Variants in ZSWIM6 observed in about 807,000 individuals in gnomAD.
ZSWIM6 encodes the protein zinc finger SWIM domain-containing protein 6.
In ZSWIM6, 9 loss-of-function variants were observed where a neutral mutation model predicts 113.2. The observed-to-expected ratio is 0.08, with a 90% CI of 0.05 to 0.14. ZSWIM6 has a LOEUF of 0.14. Ranked by LOEUF, ZSWIM6 falls within the 10% of genes least tolerant of loss-of-function variation. ZSWIM6 has a pLI of 1.00. For synonymous variants in ZSWIM6, 611 were observed against 606.5 expected, an observed-to-expected ratio of 1.01 and a Z score of -0.11; for missense variants, 1,162 against 1,552.2, an observed-to-expected ratio of 0.75 and a Z score of 4.22.
At chr5:61,511,471 A>T (rs1240702116) in intron 4 of ZSWIM6, among the ~76,000 whole-genome samples, 1 of 152,010 alleles carries the variant, frequency 6.6e-6, no homozygotes, top group Non-Finnish European at 1.5e-5. Flanking sequence ...TCCTCCCCAA[A>T]TTTTTTATGT....
intron 1 of ZSWIM6, among the ~76,000 whole-genome samples, chr5:61,378,805 C>A (rs1037735567): frequency 2.6e-5 from 4 of 152,162 alleles, no homozygotes; most frequent in African/African-American, 9.7e-5. Context: ...ATCTGCCCAC[C>A]TCGGCCTCCC....
chr5:61,387,913 AG>A (rs1030959021), intron 1 of ZSWIM6, among the ~76,000 whole-genome samples: 1 of 143,936 alleles, frequency 6.9e-6, no homozygotes, highest in East Asian at 2.1e-4. Flanking sequence ...TCCCTCTTTG[AG>A]GGGGGGAGAA....
intron 1 of ZSWIM6, chr5:61,375,598 A>G (rs1745356773): frequency 4.6e-6 from 7 of 1,533,310 alleles, no homozygotes; most frequent in East Asian, 4.9e-5. Context: ...AAAGAAAAAG[A>G]AGTCAAAAGA....
At chr5:61,353,641 G>A (rs7724551) in intron 1 of ZSWIM6, among the ~76,000 whole-genome samples, 89,441 of 152,058 alleles carry the variant, frequency 0.59, 28,937 homozygotes, top group African/African-American at 0.86. Context: ...TAATGGATGT[G>A]TAACCCATTC....
At chr5:61,448,952 T>C (rs1199677856) in intron 1 of ZSWIM6, among the ~76,000 whole-genome samples, 2 of 152,238 alleles carry the variant, frequency 1.3e-5, no homozygotes, top group Admixed American at 1.3e-4. Context: ...AAGGAGAACC[T>C]GCTGGCAAAC....
chr5:61,498,442 T>A (rs897084250), intron 4 of ZSWIM6, among the ~76,000 whole-genome samples: 5 of 152,348 alleles, frequency 3.3e-5, no homozygotes, highest in African/African-American at 1.2e-4. Context: ...GGAGACCTAA[T>A]TCTGTGTGAA....
At chr5:61,374,487 T>C (rs1745327116) in intron 1 of ZSWIM6, among the ~76,000 whole-genome samples, 1 of 152,232 alleles carries the variant, frequency 6.6e-6, no homozygotes. Flanking sequence ...ATATGAATGC[T>C]CTAGTTGAGC....
At chr5:61,399,251 T>TA (rs1439724201) in intron 1 of ZSWIM6, among the ~76,000 whole-genome samples, 3 of 150,236 alleles carry the variant, frequency 2.0e-5, no homozygotes, top group Non-Finnish European at 4.4e-5. Flanking sequence ...TTTTTTTTTT[T>TA]AAAGATAATC....
intron 10 of ZSWIM6, among the ~76,000 whole-genome samples, chr5:61,538,518 A>G (rs954279851): frequency 3.3e-5 from 5 of 152,206 alleles, no homozygotes; most frequent in African/African-American, 1.2e-4. Context: ...ATCTTAATTT[A>G]TTTGAATATT....
At chr5:61,388,233 T>G (rs1329688248) in intron 1 of ZSWIM6, among the ~76,000 whole-genome samples, 1 of 152,062 alleles carries the variant, frequency 6.6e-6, no homozygotes, top group Non-Finnish European at 1.5e-5. Flanking sequence ...TCCACCCACC[T>G]CAGCCTCACA....
At chr5:61,352,951 C>T (rs1327214345) in intron 1 of ZSWIM6, among the ~76,000 whole-genome samples, 1 of 152,174 alleles carries the variant, frequency 6.6e-6, no homozygotes, top group Admixed American at 6.5e-5. Context: ...GTCATGGGGG[C>T]AAGGCACTGA....
chr5:61,525,305 A>G (rs1749246998), intron 5 of ZSWIM6, among the ~76,000 whole-genome samples: 1 of 152,258 alleles, frequency 6.6e-6, no homozygotes. Context: ...ATAGTTAAAA[A>G]ATACAACCAA....
At chr5:61,374,259 T>C (rs1452851912) in intron 1 of ZSWIM6, among the ~76,000 whole-genome samples, 1 of 152,218 alleles carries the variant, frequency 6.6e-6, no homozygotes, top group Non-Finnish European at 1.5e-5. Flanking sequence ...CCTGTGTCTT[T>C]AGCTTCCATT....
At position 61,529,935 on chromosome 5, in the gene ZSWIM6, A is replaced by T. The variant is rs1425138099; in HGVS notation, c.1838-117A>T. 24 of 898,786 alleles carry T rather than the reference A, an allele frequency of 2.7e-5. No homozygotes were observed. The East Asian group carries it at 6.3e-4, about 24-fold the overall frequency. 55.7% of individuals were successfully genotyped at this position (898,786 alleles called of 1,614,324 possible). A position where few individuals can be genotyped will look rare whatever the true frequency, so the allele number is the denominator to read the frequency against. On this transcript the variant is annotated intron_variant, in intron 7 of 13. Transcript: ENST00000252744. Reference sequence around the variant, plus strand: ...TAATTAAAAGAGAATTTCGAACAGAATTCAGAACTGGTTTATCAGGATGCT... The same window carrying T: ...TAATTAAAAGAGAATTTCGAACAGATTTCAGAACTGGTTTATCAGGATGCT...
intron 9 of ZSWIM6, among the ~76,000 whole-genome samples, chr5:61,532,869 T>C (rs1346271176): frequency 6.6e-6 from 1 of 152,214 alleles, no homozygotes; most frequent in Non-Finnish European, 1.5e-5. Flanking sequence ...CTTTCAGTTT[T>C]CTCCCATATA....
Position 61,434,500 on chromosome 5 carries a change from C to T in ZSWIM6, c.677-38181C>T, listed in dbSNP as rs113117908. ...GTCCCTTATATCATTCTTATGCCTT[C>T]GCATCCTATAGTTTAGTTCCCACTT... On this transcript the variant is annotated intron_variant, in intron 1 of 13. Coordinates refer to ENST00000252744, the MANE Select transcript of ZSWIM6 (RefSeq NM_020928.2). Among the ~76,000 whole-genome samples the T allele has an allele frequency of 7.9e-4, 120 of 151,212 alleles. 2 individuals are homozygous for T. Among genetic ancestry groups the T allele is most frequent in the African/African-American group, 1.7e-3 (70 of 41,082 alleles).
At chr5:61,452,571 T>C (rs2112159048) in intron 1 of ZSWIM6, among the ~76,000 whole-genome samples, 1 of 152,318 alleles carries the variant, frequency 6.6e-6, no homozygotes, top group East Asian at 1.9e-4. Flanking sequence ...ATCAAGATTG[T>C]CTCTTTTTAA....
At chr5:61,379,147 C>T (rs1745428527) in intron 1 of ZSWIM6, among the ~76,000 whole-genome samples, 1 of 130,418 alleles carries the variant, frequency 7.7e-6, no homozygotes, top group South Asian at 2.5e-4. Flanking sequence ...TCATGCCTCT[C>T]TACTCCAGCC....
intron 1 of ZSWIM6, among the ~76,000 whole-genome samples, chr5:61,433,008 C>T (rs551690203): frequency 7.2e-5 from 11 of 152,050 alleles, no homozygotes; most frequent in Non-Finnish European, 1.2e-4. Flanking sequence ...TTTTCTTCTT[C>T]GGAACATGAA....
Sources: gnomAD v4.1 joint callset for allele counts (sites outside exome capture counted in the v4.1 genomes callset) on GRCh38, gnomAD v4.1.1 for gene constraint, MANE v1.5 for transcripts, NCBI Gene and HGNC (gene_info 2026-07-23, HGNC 2026-07-21) for gene names.